CNTNAP4: variants seen among roughly 807,000 people sequenced by gnomAD.
CNTNAP4 encodes the protein contactin associated protein family member 4.
Under a neutral mutation model 148.4 loss-of-function variants are expected in CNTNAP4, and 98 were observed. That is an observed-to-expected ratio of 0.66 (90% CI 0.56 to 0.78). The LOEUF (loss-of-function observed/expected upper bound fraction) is 0.78. Ranked by LOEUF, CNTNAP4 falls within the 30% of genes least tolerant of loss-of-function variation. CNTNAP4 has a pLI of 0.00. For missense variants in CNTNAP4, 1,935 were observed against 1,565.6 expected, an observed-to-expected ratio of 1.24 and a Z score of -3.98; for synonymous variants, 730 against 565.1, an observed-to-expected ratio of 1.29 and a Z score of -4.14.
chr16:76,539,060 AG>A (rs201186442), intron 19 of CNTNAP4, among the ~76,000 whole-genome samples: 4,647 of 152,128 alleles, frequency 0.031, 110 homozygotes, highest in South Asian at 0.11. Flanking sequence ...TTGTTCGATA[AG>A]TGTATTTATT....
In CNTNAP4 at chr16:76,277,714, C is replaced by G. The variant is rs1958531626; in HGVS notation, c.52C>G (p.Gln18Glu). The change falls in exon 1 of 24, where the codon CAA (glutamine) becomes GAA (glutamate). Residue 18 changes from glutamine (Q) to glutamate (E), a missense_variant. Physicochemically the swap from Gln to Glu is conservative, Grantham distance 29. Transcript: ENST00000611870. The stretch of plus-strand genomic sequence containing the variant: ...CAAGACGCTACTTCTGTTATCTACT[C>G]AAAATTGGAACAGAGTCGAAGCTGG... ...VLKTLLLLST[Q>E]NWNRVEAGNS... 6.2e-7 allele frequency: 1 copy of G among 1,605,106 alleles called. No homozygotes were observed. The highest frequency in any genetic ancestry group is 1.3e-5 in the African/African-American group (1 of 74,926).
At chr16:76,296,147 G>T (rs1002812471) in intron 1 of CNTNAP4, among the ~76,000 whole-genome samples, 3 of 152,134 alleles carry the variant, frequency 2.0e-5, no homozygotes, top group African/African-American at 7.2e-5. Flanking sequence ...AAATCTTTCT[G>T]AAATAAGGCT....
At chr16:76,355,296 C>T (rs186315176) in intron 2 of CNTNAP4, 22 bp from the exon 3 acceptor site, 82 of 1,482,398 alleles carry the variant, frequency 5.5e-5, no homozygotes, top group Non-Finnish European at 7.1e-5. Flanking sequence ...CAATTTTCTC[C>T]TGTTTCTATT....
At chr16:76,277,897 C>T (rs899174809) in intron 1 of CNTNAP4, 150 bp downstream of exon 1, 1 of 632,978 alleles carries the variant, frequency 1.6e-6, no homozygotes, top group Non-Finnish European at 2.8e-6. Context: ...GCCAATGTGA[C>T]CGGTTAACAC....
At chr16:76,331,425 T>C (rs370816254) in intron 2 of CNTNAP4, among the ~76,000 whole-genome samples, 2 of 151,914 alleles carry the variant, frequency 1.3e-5, no homozygotes, top group Admixed American at 1.3e-4. Context: ...CCTGACCTCG[T>C]GATCCACCTG....
intron 4 of CNTNAP4, among the ~76,000 whole-genome samples, chr16:76,431,869 G>T (rs1021772127): frequency 2.6e-5 from 4 of 151,488 alleles, no homozygotes; most frequent in African/African-American, 9.7e-5. Flanking sequence ...GATGGGAAAT[G>T]AGACAATAAA....
chr16:76,389,890 G>T (rs1448808189), intron 3 of CNTNAP4, among the ~76,000 whole-genome samples: 1 of 152,170 alleles, frequency 6.6e-6, no homozygotes, highest in Non-Finnish European at 1.5e-5. Flanking sequence ...TCTAGAAGCA[G>T]AACCTGAGAC....
intron 1 of CNTNAP4, among the ~76,000 whole-genome samples, chr16:76,297,837 T>G (rs564109885): frequency 6.6e-6 from 1 of 152,332 alleles, no homozygotes; most frequent in East Asian, 1.9e-4. Flanking sequence ...TGTTAAAAAC[T>G]TTTATTTTTT....
chr16:76,469,486 TGG>T (rs1168026094), intron 10 of CNTNAP4: 1 of 152,166 alleles, frequency 6.6e-6, no homozygotes, highest in Admixed American at 6.5e-5. Context: ...TCAGGGAAAC[TGG>T]CAGGGAGAGG....
At chr16:76,384,124 A>G (rs948571992) in intron 3 of CNTNAP4, among the ~76,000 whole-genome samples, 1 of 151,444 alleles carries the variant, frequency 6.6e-6, no homozygotes, top group African/African-American at 2.4e-5. Flanking sequence ...GCTCGCTGCA[A>G]CCTCCGCCTC....
intron 2 of CNTNAP4, among the ~76,000 whole-genome samples, chr16:76,340,532 G>C (rs1964380914): frequency 6.6e-6 from 1 of 151,904 alleles, no homozygotes; most frequent in Non-Finnish European, 1.5e-5. Context: ...ACATCTGATT[G>C]CGCTCCCAAT....
At chr16:76,437,943 G>T (rs61158265) in intron 4 of CNTNAP4, among the ~76,000 whole-genome samples, 3,359 of 152,158 alleles carry the variant, frequency 0.022, 59 homozygotes, top group Non-Finnish European at 0.028. Context: ...AATTATAAGT[G>T]TTAAATAAAA....
Position 76,316,427 on chromosome 16 carries a change from C to T in CNTNAP4, c.100C>T (p.Pro34Ser). Reference protein sequence around the residue: ...EAGNSYDCDDPLVSALPQASF... With the variant: ...EAGNSYDCDDSLVSALPQASF... ...CCTCCTGGCAGATGACTGTGATGAT[C>T]CTCTTGTGTCTGCCTTGCCTCAGGC... is the stretch of plus-strand genomic sequence containing the variant. The change falls in exon 2 of 24, where the codon CCT becomes TCT. Residue 34 changes from proline to serine, a missense_variant. By Grantham distance (74) the Pro-to-Ser change is moderately conservative. Coordinates refer to ENST00000611870, the MANE Select transcript of CNTNAP4 (RefSeq NM_033401.5). 1 of 1,613,364 alleles carries T rather than the reference C, an allele frequency of 6.2e-7. No homozygotes were observed. The highest frequency in any genetic ancestry group is 8.5e-7 in the Non-Finnish European group (1 of 1,179,388).
At chr16:76,543,020 C>T (rs1177892096) in intron 21 of CNTNAP4, among the ~76,000 whole-genome samples, 1 of 152,144 alleles carries the variant, frequency 6.6e-6, no homozygotes. Context: ...GTCCTCATTT[C>T]CCTTTTTGTA....
In CNTNAP4 at chr16:76,553,312, C is replaced by T. The variant is rs368462428; in HGVS notation, c.3472C>T (p.Leu1158=). ...CAGTGATGTGGACCAGGATACTGCA[C>T]TGGCAGGTGCGCAGGGCTTCACAGG... ...EHSDVDQDTA[L]AGAQGFTGCL... The change falls in exon 22 of 24, where the codon CTG becomes TTG. Residue 1158 remains leucine (L), a synonymous_variant. Transcript: ENST00000611870. The T allele has an allele frequency of 8.7e-6, 14 of 1,611,638 alleles. No homozygotes were observed. The highest frequency in any genetic ancestry group is 3.3e-5 in the Admixed American group (2 of 59,948).
chr16:76,364,483 A>G (rs950772215), intron 3 of CNTNAP4, among the ~76,000 whole-genome samples: 5 of 152,100 alleles, frequency 3.3e-5, no homozygotes, highest in Non-Finnish European at 7.4e-5. Flanking sequence ...TGAGAACAAC[A>G]TTTTTAAAAC....
chr16:76,450,852 C>G (rs1419665495), intron 7 of CNTNAP4, among the ~76,000 whole-genome samples: 1 of 152,190 alleles, frequency 6.6e-6, no homozygotes. Flanking sequence ...TATATTAGGA[C>G]TTGGACCTCA....
intron 1 of CNTNAP4, among the ~76,000 whole-genome samples, chr16:76,292,578 G>C (rs1290629150): frequency 6.6e-6 from 1 of 152,172 alleles, no homozygotes; most frequent in Non-Finnish European, 1.5e-5. Flanking sequence ...CATCAGCCTA[G>C]TGTCTTCTCC....
At chr16:76,425,664 A>G (rs2079364410) in intron 3 of CNTNAP4, among the ~76,000 whole-genome samples, 1 of 152,190 alleles carries the variant, frequency 6.6e-6, no homozygotes, top group Non-Finnish European at 1.5e-5. Flanking sequence ...ATTTTAGTCA[A>G]AGCTTAAAAG....
Sources: allele counts gnomAD v4.1 joint callset (sites outside exome capture counted in the v4.1 genomes callset), GRCh38; gene constraint gnomAD v4.1.1; transcripts MANE v1.5; gene names NCBI Gene and HGNC (gene_info 2026-07-23, HGNC 2026-07-21).